The following UNC13C variants were observed in gnomAD, a reference collection of about 807,000 sequenced individuals.
UNC13C encodes protein unc-13 homolog C.
UNC13C carries 174 observed loss-of-function variants against 245.4 expected under a neutral mutation model. The ratio of observed to expected loss-of-function variants is 0.71; its 90% confidence interval spans 0.63 to 0.80. UNC13C has a LOEUF of 0.80. Among genes scored for constraint, UNC13C ranks in the 30% least tolerant of loss-of-function variants. UNC13C has a pLI of 0.00. For missense variants in UNC13C, 2,829 were observed against 2,602.9 expected, an observed-to-expected ratio of 1.09 and a Z score of -1.89; for synonymous variants, 992 against 895.1, an observed-to-expected ratio of 1.11 and a Z score of -1.93.
intron 4 of UNC13C, among the ~76,000 whole-genome samples, chr15:54,171,846 A>G (rs1294866043): frequency 1.3e-5 from 2 of 152,188 alleles, no homozygotes; most frequent in African/African-American, 4.8e-5. Context: ...AAGATTTGGA[A>G]GCAACCTAAG....
chr15:54,311,149 C>G (rs959072458), intron 13 of UNC13C, among the ~76,000 whole-genome samples: 1 of 151,622 alleles, frequency 6.6e-6, no homozygotes, highest in Non-Finnish European at 1.5e-5. Context: ...AATTCTGTTG[C>G]TCAGTTTCAG....
chr15:53,913,012 TC>T, the UNC13C span: 2 of 152,146 alleles, frequency 1.3e-5, no homozygotes, highest in South Asian at 2.1e-4. Context: ...TGCATTCTTC[TC>T]CATTGACATT....
chr15:54,371,380 C>T (rs1311795173), intron 17 of UNC13C, among the ~76,000 whole-genome samples: 2 of 152,026 alleles, frequency 1.3e-5, no homozygotes, highest in East Asian at 3.9e-4. Context: ...GCTCTTAGGT[C>T]CAATTAAACA....
intron 19 of UNC13C, among the ~76,000 whole-genome samples, chr15:54,438,497 T>A (rs1327375877): frequency 6.6e-6 from 1 of 152,008 alleles, no homozygotes; most frequent in African/African-American, 2.4e-5. Flanking sequence ...CTAGTCAACA[T>A]AAGGAGTCCT....
chr15:54,387,431 A>G (rs2039862871), intron 17 of UNC13C, among the ~76,000 whole-genome samples: 1 of 152,172 alleles, frequency 6.6e-6, no homozygotes, highest in African/African-American at 2.4e-5. Flanking sequence ...GTCCTTCAGC[A>G]TGTTAATACA....
At chr15:54,466,279 A>G (rs1423613760) in intron 19 of UNC13C, among the ~76,000 whole-genome samples, 2 of 151,994 alleles carry the variant, frequency 1.3e-5, no homozygotes, top group South Asian at 2.1e-4. Flanking sequence ...TGGGGTGACT[A>G]TAGTTAACAA....
chr15:54,062,046 G>T (rs530256303), intron 2 of UNC13C, among the ~76,000 whole-genome samples: 1 of 152,014 alleles, frequency 6.6e-6, no homozygotes, highest in African/African-American at 2.4e-5. Flanking sequence ...TCAGTCGGGC[G>T]TGGTGGCTCA....
chr15:54,245,746 G>A (rs2035974232), intron 7 of UNC13C, among the ~76,000 whole-genome samples: 1 of 152,090 alleles, frequency 6.6e-6, no homozygotes, highest in African/African-American at 2.4e-5. Flanking sequence ...CCGAAGAGTA[G>A]ATATATTTTT....
chr15:54,349,073 A>G (rs2038923004), intron 17 of UNC13C, among the ~76,000 whole-genome samples: 2 of 149,332 alleles, frequency 1.3e-5, no homozygotes, highest in South Asian at 4.2e-4. Flanking sequence ...ATAATTTGAT[A>G]TATACAAATA....
chr15:54,359,302 C>T (rs564688652), intron 17 of UNC13C, among the ~76,000 whole-genome samples: 2 of 151,804 alleles, frequency 1.3e-5, no homozygotes, highest in African/African-American at 4.8e-5. Context: ...GTATCATTGT[C>T]CGGTTTTGAT....
At chr15:53,953,893 G>C in the UNC13C span, among the ~76,000 whole-genome samples, 5 of 152,220 alleles carry the variant, frequency 3.3e-5, no homozygotes, top group African/African-American at 1.2e-4. Flanking sequence ...AGACCTGCTT[G>C]TTAATTGGTG....
rs113360975 is a variant in UNC13C, at chr15:54,250,559, C to T, written c.3448+115C>T. 12 of 886,734 alleles carry T rather than the reference C, an allele frequency of 1.4e-5. 1 individual carries two copies. Among genetic ancestry groups the T allele is most frequent in the African/African-American group, 1.3e-4 (8 of 59,324 alleles). The allele number at this position is 886,734 out of a possible 1,614,324, so 54.9% of individuals were successfully genotyped here. A position where few individuals can be genotyped will look rare whatever the true frequency, so the allele number is the denominator to read the frequency against. ...GTCAAGAAATCCTACCCGCTCCCCT[C>T]CCACCACTTACACAAAGATACACAT... On this transcript the variant is annotated intron_variant, in intron 8 of 32. Transcript: ENST00000260323.
chr15:54,019,320 G>GA (rs1185419116), intron 2 of UNC13C, among the ~76,000 whole-genome samples: 1 of 152,156 alleles, frequency 6.6e-6, no homozygotes, highest in Non-Finnish European at 1.5e-5. Context: ...AAGAGATGAA[G>GA]AACAGAGTCA....
chr15:54,339,662 TATC>T (rs2038682065), intron 17 of UNC13C, among the ~76,000 whole-genome samples: 1 of 137,464 alleles, frequency 7.3e-6, no homozygotes, highest in African/African-American at 2.7e-5. Flanking sequence ...TATATATATA[TATC>T]ACAGTTTGTT....
intron 19 of UNC13C, among the ~76,000 whole-genome samples, chr15:54,489,496 T>C (rs1161245559): frequency 6.6e-6 from 1 of 152,206 alleles, no homozygotes; most frequent in East Asian, 1.9e-4. Flanking sequence ...TGTGTATATA[T>C]ACATCTATAT....
At chr15:54,230,852 C>A (rs927037124) in intron 4 of UNC13C, among the ~76,000 whole-genome samples, 16 of 151,792 alleles carry the variant, frequency 1.1e-4, no homozygotes, top group Non-Finnish European at 1.8e-4. Context: ...CACATTGTAC[C>A]CCATAAATGT....
At chr15:53,869,745 A>G in the UNC13C span, among the ~76,000 whole-genome samples, 1 of 152,130 alleles carries the variant, frequency 6.6e-6, no homozygotes, top group Non-Finnish European at 1.5e-5. Context: ...CAGCCAGTGA[A>G]GCTCGCATTT....
chr15:54,462,638 C>G (rs953836269), intron 19 of UNC13C, among the ~76,000 whole-genome samples: 1 of 152,250 alleles, frequency 6.6e-6, no homozygotes, highest in Non-Finnish European at 1.5e-5. Context: ...CCCAGCACTG[C>G]CGGCCTGCCC....
chr15:54,516,508 T>C (rs754979825), intron 24 of UNC13C, among the ~76,000 whole-genome samples: 19 of 152,114 alleles, frequency 1.2e-4, no homozygotes, highest in Admixed American at 6.5e-5. Context: ...ATATGCTTTC[T>C]GAAAAAGAAT....
Sources: allele counts gnomAD v4.1 joint callset (sites outside exome capture counted in the v4.1 genomes callset), GRCh38; gene constraint gnomAD v4.1.1; transcripts MANE v1.5; gene names NCBI Gene and HGNC (gene_info 2026-07-23, HGNC 2026-07-21).